SHF: variants seen among roughly 807,000 people sequenced by gnomAD.
SHF encodes Src homology 2 domain containing F.
A neutral mutation model predicts 42.4 loss-of-function variants in SHF; 30 were observed. That is an observed-to-expected ratio of 0.71 (90% CI 0.53 to 0.96). The LOEUF is 0.96. Among genes scored for constraint, SHF ranks in the 40% least tolerant of loss-of-function variants. The pLI is 0.00. For missense variants in SHF, 598 were observed against 634.0 expected (o/e 0.94, Z 0.61); for synonymous variants, 264 against 269.9 (o/e 0.98, Z 0.21).
chr15:45,200,874 G>T (rs1196551156), exon 1 of SHF: 4 of 456,148 alleles, frequency 8.8e-6, no homozygotes, highest in Admixed American at 2.3e-5. Flanking sequence ...GCCACCATTC[G>T]GGCGTCCTCA....
intron 1 of SHF, among the ~76,000 whole-genome samples, chr15:45,184,554 C>T (rs1005551827): frequency 6.6e-6 from 1 of 152,218 alleles, no homozygotes; most frequent in African/African-American, 2.4e-5. Context: ...TGTTACCTCT[C>T]CACCCAACCC....
intron 2 of SHF, among the ~76,000 whole-genome samples, chr15:45,196,282 C>T (rs569364148): frequency 2.1e-4 from 32 of 152,158 alleles, no homozygotes; most frequent in East Asian, 1.9e-3. Context: ...TTAGTAGAGA[C>T]GGGGTTTCCC....
chr15:45,177,217 C>G (rs1337906468), intron 2 of SHF, among the ~76,000 whole-genome samples: 36 of 152,116 alleles, frequency 2.4e-4, no homozygotes, highest in Admixed American at 2.4e-3. Context: ...GACCCAGAGC[C>G]CCAGGTACCC....
At chr15:45,179,581 G>A (rs966664077) in intron 1 of SHF, among the ~76,000 whole-genome samples, 3 of 152,250 alleles carry the variant, frequency 2.0e-5, no homozygotes, top group South Asian at 4.1e-4. Context: ...TGCTCAGGGC[G>A]GGGCGCAGCT....
chr15:45,187,013 G>C (rs1251697923), intron 1 of SHF, among the ~76,000 whole-genome samples: 1 of 152,268 alleles, frequency 6.6e-6, no homozygotes, highest in Non-Finnish European at 1.5e-5. Flanking sequence ...CAACAGGAGG[G>C]AAGAGCTTTG....
At chr15:45,171,809 TG>T (rs1897502657) in intron 6 of SHF, 73 bp downstream of exon 6, 1 of 1,508,326 alleles carries the variant, frequency 6.6e-7, no homozygotes, top group Admixed American at 2.0e-5. Flanking sequence ...CCAGCTTGGT[TG>T]GGCATAAGGG....
chr15:45,167,489 ACT>A lies in SHF; in HGVS notation c.*456_*457del, dbSNP rs993902674. 1.3e-5 allele frequency: 2 copies of A among 152,752 alleles called. No homozygotes were observed. Among genetic ancestry groups the A allele is most frequent in the African/African-American group, 4.8e-5 (2 of 41,392 alleles). 9.5% of individuals were successfully genotyped at this position (152,752 alleles called of 1,614,324 possible). ...CTGTCTTCCCCAAACCTCTTACCAG[ACT>A]CTGGGCGGAGCCCTCCGACGGTCTG... On this transcript the variant is annotated 3_prime_UTR_variant, in exon 7 of 7. Coordinates refer to ENST00000690270, the MANE Select transcript of SHF (RefSeq NM_001394037.1).
chr15:45,187,326 CAG>C, intron 1 of SHF, 126 bp downstream of exon 1: 2 of 930,094 alleles, frequency 2.2e-6, no homozygotes, highest in Non-Finnish European at 2.8e-6. Context: ...ACCCCGGGGT[CAG>C]GGGCTCGCGT....
chr15:45,188,477 G>A (rs1898591456), upstream of SHF, among the ~76,000 whole-genome samples: 1 of 152,202 alleles, frequency 6.6e-6, no homozygotes, highest in South Asian at 2.1e-4. Flanking sequence ...GCTACCTTGG[G>A]AGCCCCACAA....
chr15:45,200,497 A>T (rs1000707259), intron 1 of SHF: 2 of 352,950 alleles, frequency 5.7e-6, no homozygotes, highest in African/African-American at 2.1e-5. Flanking sequence ...GCTACTAGGG[A>T]CACAGGACCT....
intron 2 of SHF, among the ~76,000 whole-genome samples, chr15:45,196,205 C>G (rs887131992): frequency 6.7e-6 from 1 of 148,892 alleles, no homozygotes; most frequent in Non-Finnish European, 1.5e-5. Flanking sequence ...TCAAGCAATT[C>G]TCCTGCCTCA....
At chr15:45,197,249 TA>T (rs144408027) in intron 2 of SHF, among the ~76,000 whole-genome samples, 8,375 of 122,352 alleles carry the variant, frequency 0.068, 663 homozygotes, top group African/African-American at 0.22. Context: ...ACCTTGTCTC[TA>T]AAAAAAAAAA....
At chr15:45,175,531 T>C (rs1489385792) in intron 2 of SHF, 106 bp from the exon 3 acceptor site, 6 of 1,169,938 alleles carry the variant, frequency 5.1e-6, no homozygotes, top group Non-Finnish European at 7.3e-6. Context: ...TCAGAGGAGA[T>C]GCCCTGGCTC....
intron 1 of SHF, among the ~76,000 whole-genome samples, chr15:45,180,550 C>G (rs1395659255): frequency 6.6e-6 from 1 of 152,250 alleles, no homozygotes; most frequent in Non-Finnish European, 1.5e-5. Flanking sequence ...CTTCCACTTT[C>G]CTCTTTAGTT....
chr15:45,196,336 C>T (rs1025444282), intron 2 of SHF, among the ~76,000 whole-genome samples: 2 of 152,134 alleles, frequency 1.3e-5, no homozygotes, highest in Non-Finnish European at 2.9e-5. Flanking sequence ...TCAGGTGATC[C>T]ACCTGCCTCG....
chr15:45,172,064 C>T, intron 5 of SHF, 62 bp from the exon 6 acceptor site: 1 of 1,613,868 alleles, frequency 6.2e-7, no homozygotes, highest in Non-Finnish European at 8.5e-7. Context: ...CAGGCCCACC[C>T]ATTGTGGGTG....
At chr15:45,184,930 C>A (rs544161021) in intron 1 of SHF, among the ~76,000 whole-genome samples, 1 of 152,348 alleles carries the variant, frequency 6.6e-6, no homozygotes, top group Non-Finnish European at 1.5e-5. Context: ...CAGTGGGTCC[C>A]AGGGTGGGCT....
intron 2 of SHF, among the ~76,000 whole-genome samples, chr15:45,194,386 C>G (rs537874264): frequency 1.7e-4 from 26 of 151,988 alleles, no homozygotes; most frequent in African/African-American, 6.0e-4. Flanking sequence ...GAGTCTTGCT[C>G]TGTCGCCCAG....
chr15:45,169,852 T>C (rs921749868), intron 6 of SHF, among the ~76,000 whole-genome samples: 2 of 152,200 alleles, frequency 1.3e-5, no homozygotes, highest in South Asian at 4.1e-4. Flanking sequence ...CTCAGGGTAC[T>C]GGGGTTAGGA....
Sources: gnomAD v4.1 joint callset for allele counts (sites outside exome capture counted in the v4.1 genomes callset) on GRCh38, gnomAD v4.1.1 for gene constraint, MANE v1.5 for transcripts, NCBI Gene and HGNC (gene_info 2026-07-23, HGNC 2026-07-21) for gene names.